The following RPS7 variants were observed in gnomAD, a reference collection of about 807,000 sequenced individuals.
RPS7 encodes small ribosomal subunit protein eS7.
A neutral mutation model predicts 22.1 loss-of-function variants in RPS7; 1 was observed. The observed-to-expected ratio is 0.05, with a 90% CI of 0.02 to 0.21. The LOEUF (loss-of-function observed/expected upper bound fraction) is 0.21. Ranked by LOEUF, RPS7 falls within the 10% of genes least tolerant of loss-of-function variation. The probability of loss-of-function intolerance (pLI) is 1.00; values close to 1 mark genes in which losing one functional copy is unlikely to be tolerated. For synonymous variants in RPS7, 80 were observed against 92.0 expected (o/e 0.87, Z 0.74); for missense variants, 137 against 246.4 (o/e 0.56, Z 2.97).
Position 3,575,800 on chromosome 2 carries a change from TGTTC to T in RPS7, c.76-13_76-10del. ...GACGCGCGCTCAGGGTCGGTCCTGC[TGTTC>T]GTTGCTTCTTAGGCTCTTCTGGAGC... On this transcript the variant is annotated splice_polypyrimidine_tract_variant and intron_variant, in intron 2 of 6. Coordinates refer to ENST00000645674, the MANE Select transcript of RPS7 (RefSeq NM_001011.4). 5 of 1,611,258 alleles carry T rather than the reference TGTTC, an allele frequency of 3.1e-6. No homozygotes were observed. The highest frequency in any genetic ancestry group is 4.2e-6 in the Non-Finnish European group (5 of 1,178,632).
At chr2:3,580,391 A>C in intron 6 of RPS7, 131 bp downstream of exon 6, 1 of 798,700 alleles carries the variant, frequency 1.3e-6, no homozygotes, top group Non-Finnish European at 2.2e-6. Context: ...CCCGCACTTC[A>C]GCCTGCTCTC....
Position 3,580,079 on chromosome 2 carries a change from A to T in RPS7, c.357-31A>T, listed in dbSNP as rs748946432. On this transcript the variant is annotated intron_variant, in intron 5 of 6. Transcript: ENST00000645674. ...AGTTGCCCAGAGGGCAGGCGTTGCT[A>T]GGTTGCTTACCTTTTAAACTATTCT... 1.6e-5 allele frequency: 25 copies of T among 1,612,694 alleles called. No individual in the cohort carries two copies. In the East Asian group the frequency reaches 5.3e-4, roughly 34 times the overall value.
intron 6 of RPS7, chr2:3,580,556 T>C (rs1661381886): frequency 6.4e-6 from 4 of 623,124 alleles, no homozygotes; most frequent in South Asian, 3.9e-5. Flanking sequence ...GATCAGTGTC[T>C]TGGGGGGACA....
At chr2:3,580,551 G>C in intron 6 of RPS7, 1 of 623,284 alleles carries the variant, frequency 1.6e-6, no homozygotes, top group East Asian at 2.7e-5. Flanking sequence ...GATGGGATCA[G>C]TGTCTTGGGG....
chr2:3,576,743 T>G, intron 4 of RPS7, 113 bp downstream of exon 4: 4 of 1,283,070 alleles, frequency 3.1e-6, no homozygotes, highest in Non-Finnish European at 4.6e-6. Context: ...ATGAATCCAA[T>G]TGGGTAGAAA....
At chr2:3,576,385 G>T (rs1323323121) in intron 3 of RPS7, 102 bp from the exon 4 acceptor site, 2 of 977,828 alleles carry the variant, frequency 2.0e-6, no homozygotes, top group Non-Finnish European at 3.3e-6. Flanking sequence ...AGTTTGTAGT[G>T]CAGCTACGGT....
chr2:3,575,849 C>T lies in RPS7; in HGVS notation c.108C>T (p.Leu36=), dbSNP rs780637618. ...TGGAGCTGGAGATGAACTCGGACCT[C>T]AAGGCTCAGCTCAGGGAGCTGAATA... ...ALLELEMNSD[L]KAQLRELNIT... is the part of the protein sequence containing the mutation. The change falls in exon 3 of 7, where the codon CTC becomes CTT. Residue 36 remains leucine (L), a synonymous_variant. Coordinates refer to ENST00000645674, the MANE Select transcript of RPS7 (RefSeq NM_001011.4). The T allele has an allele frequency of 5.6e-6, 9 of 1,611,752 alleles. No homozygotes were observed. Among genetic ancestry groups the T allele is most frequent in the Non-Finnish European group, 6.8e-6 (8 of 1,179,688 alleles).
intron 2 of RPS7, 21 bp from the exon 3 acceptor site, chr2:3,575,796 C>G (rs774908457): frequency 6.2e-7 from 1 of 1,610,466 alleles, no homozygotes; most frequent in Non-Finnish European, 8.5e-7. Flanking sequence ...AGGGTCGGTC[C>G]TGCTGTTCGT....
chr2:3,575,407 C>G, intron 1 of RPS7, 57 bp downstream of exon 1: 1 of 589,674 alleles, frequency 1.7e-6, no homozygotes, highest in Non-Finnish European at 3.0e-6. Flanking sequence ...AGGAAAACGC[C>G]TTTTGGAGTC....
At chr2:3,576,263 T>C (rs1355857627) in intron 3 of RPS7, 1 of 617,010 alleles carries the variant, frequency 1.6e-6, no homozygotes, top group Non-Finnish European at 2.9e-6. Flanking sequence ...GTGGTAGTGA[T>C]TGGCCTCCTG....
chr2:3,578,027 A>G (rs538796604), intron 5 of RPS7: 243 of 537,084 alleles, frequency 4.5e-4, no homozygotes, highest in Non-Finnish European at 7.2e-4. Context: ...TTATTTGTGC[A>G]CAGGATAGGA....
intron 4 of RPS7, chr2:3,576,980 G>C (rs1040518545): frequency 6.2e-6 from 2 of 323,458 alleles, no homozygotes; most frequent in African/African-American, 4.3e-5. Flanking sequence ...TTATGAAAAT[G>C]ATTTCCCATA....
rs1352078117 is a variant in RPS7 at position 3,575,694 on chromosome 2, T to C, written c.75+10T>C. 6.2e-7 allele frequency: 1 copy of C among 1,610,036 alleles called. No homozygotes were observed. The highest frequency in any genetic ancestry group is 2.2e-5 in the East Asian group (1 of 44,828). On this transcript the variant is annotated intron_variant, in intron 2 of 6. Transcript: ENST00000645674. ...GTCCGGCATCTCCCAGGTGAGAGGGTTTCCCTGGGGTCTGGGGTGGGGGGA... is the reference window on the plus strand; with the variant it reads ...GTCCGGCATCTCCCAGGTGAGAGGGCTTCCCTGGGGTCTGGGGTGGGGGGA...
intron 3 of RPS7, 23 bp from the exon 4 acceptor site, chr2:3,576,464 T>C (rs202139868): frequency 1.2e-6 from 2 of 1,610,658 alleles, no homozygotes; most frequent in Admixed American, 3.3e-5. Context: ...GTTAACACAG[T>C]GGATTTTTGT....
chr2:3,580,884 C>T lies in RPS7; in HGVS notation c.*2C>T. ...GAATTCCCAGAGTTTCAATTGTAAA[C>T]AAAAATGACTAAATAAAAAGTATAT... On this transcript the variant is annotated 3_prime_UTR_variant, in exon 7 of 7. Coordinates refer to ENST00000645674, the MANE Select transcript of RPS7 (RefSeq NM_001011.4). 6.8e-7 allele frequency: 1 copy of T among 1,477,514 alleles called. No homozygotes were observed. The highest frequency in any genetic ancestry group is 2.3e-5 in the East Asian group (1 of 44,270). The allele number at this position is 1,477,514 out of a possible 1,614,324, so 91.5% of individuals were successfully genotyped here.
At chr2:3,580,081 G>A (rs770560291) in intron 5 of RPS7, 29 bp from the exon 6 acceptor site, 4 of 1,613,292 alleles carry the variant, frequency 2.5e-6, no homozygotes, top group Non-Finnish European at 3.4e-6. Flanking sequence ...GCGTTGCTAG[G>A]TTGCTTACCT....
Position 3,575,349 on chromosome 2 carries a change from A to C in RPS7, c.-20A>C. 1.9e-6 allele frequency: 1 copy of C among 531,970 alleles called. No individual in the cohort carries two copies. The highest frequency in any genetic ancestry group is 3.3e-6 in the Non-Finnish European group (1 of 299,668). 33.0% of individuals were successfully genotyped at this position (531,970 alleles called of 1,614,324 possible). Reference sequence around the variant, plus strand: ...TCTCTTCCTAAGCCGGCGCTCGGCAAGGTAGGTTGGCGGCCTGCTCTCCGA... The same window carrying C: ...TCTCTTCCTAAGCCGGCGCTCGGCACGGTAGGTTGGCGGCCTGCTCTCCGA... On this transcript the variant is annotated splice_region_variant and 5_prime_UTR_variant, in exon 1 of 7. Coordinates refer to ENST00000645674, the MANE Select transcript of RPS7 (RefSeq NM_001011.4).
intron 3 of RPS7, 25 bp from the exon 4 acceptor site, chr2:3,576,462 A>C: frequency 6.2e-7 from 1 of 1,609,386 alleles, no homozygotes; most frequent in East Asian, 2.2e-5. Context: ...CAGTTAACAC[A>C]GTGGATTTTT....
Position 3,576,354 on chromosome 2 carries a change from G to A in RPS7, c.148-133G>A, listed in dbSNP as rs1043834773. ...GAACATTTCCGAAGGATGCATTTAT[G>A]ATTAACTCAAAACTAGTATTAGTTT... On this transcript the variant is annotated intron_variant, in intron 3 of 6. Transcript: ENST00000645674. 3 of 819,766 alleles carry A rather than the reference G, an allele frequency of 3.7e-6. No individual in the cohort carries two copies. The African/African-American group carries it at 5.1e-5, about 14-fold the overall frequency. The allele number at this position is 819,766 out of a possible 1,614,324, so 50.8% of individuals were successfully genotyped here. A position where few individuals can be genotyped will look rare whatever the true frequency, so the allele number is the denominator to read the frequency against.
Sources: gnomAD v4.1 joint callset for allele counts on GRCh38, gnomAD v4.1.1 for gene constraint, MANE v1.5 for transcripts, NCBI Gene and HGNC (gene_info 2026-07-23, HGNC 2026-07-21) for gene names.